The following SCN1A variants were observed in gnomAD, a reference collection of about 807,000 sequenced individuals.
SCN1A encodes the protein sodium voltage-gated channel alpha subunit 1.
In SCN1A, 13 loss-of-function variants were observed where a neutral mutation model predicts 193.7. The ratio of observed to expected loss-of-function variants is 0.07; its 90% CI spans 0.04 to 0.11. The LOEUF is 0.11. Among genes scored for constraint, SCN1A ranks in the 10% least tolerant of loss-of-function variants. The probability of loss-of-function intolerance (pLI) is 1.00; values close to 1 mark genes in which losing one functional copy is unlikely to be tolerated. For synonymous variants in SCN1A, 781 were observed against 843.6 expected, an observed-to-expected ratio of 0.93 and a Z score of 1.29; for missense variants, 1,432 against 2,451.1, an observed-to-expected ratio of 0.58 and a Z score of 8.78.
chr2:166,041,392 G>A lies in SCN1A; in HGVS notation c.2254C>T (p.Pro752Ser). 1.2e-6 allele frequency: 2 copies of A among 1,612,784 alleles called. No homozygotes were observed. Among genetic ancestry groups the A allele is most frequent in the Non-Finnish European group, 8.5e-7 (1 of 1,179,772 alleles). Residue 752 changes from proline to serine, a missense_variant, in exon 16 of 29, where the codon CCA (proline) becomes TCA (serine). This residue lies in a region of SCN1A where 316 missense variants were observed against 362.1 expected (regional missense o/e 0.87). Coordinates refer to ENST00000674923, the MANE Select transcript of SCN1A (RefSeq NM_001165963.4). ...SNIFLIWDCSPYWLKVKHVVN... is the reference protein window; with the variant it reads ...SNIFLIWDCSSYWLKVKHVVN... ...ACATGTTTCACTTTTAACCAATATG[G>A]AGAACAGTCCCAGATTAAGAATATG...
intron 2 of SCN1A, among the ~76,000 whole-genome samples, chr2:166,112,602 C>G (rs754739110): frequency 1.3e-5 from 2 of 152,064 alleles, no homozygotes; most frequent in Non-Finnish European, 2.9e-5. Flanking sequence ...CTCCTATAAC[C>G]CTTGTTATTT....
At chr2:166,054,525 G>T in intron 7 of SCN1A, 113 bp downstream of exon 7, 1 of 1,126,534 alleles carries the variant, frequency 8.9e-7, no homozygotes, top group Non-Finnish European at 1.3e-6. Flanking sequence ...GAGTTTGAAT[G>T]TATAAATCAC....
chr2:166,102,884 G>A (rs775579069), intron 2 of SCN1A, among the ~76,000 whole-genome samples: 7 of 152,096 alleles, frequency 4.6e-5, no homozygotes, highest in African/African-American at 1.4e-4. Flanking sequence ...AAGAACAAAA[G>A]CATGTCCTTT....
intron 24 of SCN1A, among the ~76,000 whole-genome samples, chr2:166,001,890 T>C (rs1408231499): frequency 7.0e-6 from 1 of 142,644 alleles, no homozygotes; most frequent in East Asian, 2.0e-4. Flanking sequence ...TTTTTTTTTT[T>C]TTTTTTTTTT....
At chr2:166,002,858 A>G (rs527893814) in intron 23 of SCN1A, 105 bp from the exon 24 acceptor site, 103 of 926,216 alleles carry the variant, frequency 1.1e-4, no homozygotes, top group Non-Finnish European at 1.5e-4. Context: ...TTTTCTATCA[A>G]TGCTATTTAT....
upstream of SCN1A, among the ~76,000 whole-genome samples, chr2:166,130,857 AAT>A (rs1194379451): frequency 3.3e-5 from 5 of 152,194 alleles, no homozygotes; most frequent in Admixed American, 6.5e-5. Flanking sequence ...ATAAAGGCAA[AAT>A]ATGAGATTTT....
intron 1 of SCN1A, among the ~76,000 whole-genome samples, chr2:166,144,613 C>T (rs939698861): frequency 6.6e-6 from 1 of 152,104 alleles, no homozygotes; most frequent in African/African-American, 2.4e-5. Context: ...CACTGGTAAT[C>T]TCTCTGAAGG....
At chr2:166,142,774 G>A (rs10201267) in intron 1 of SCN1A, among the ~76,000 whole-genome samples, 122,957 of 152,226 alleles carry the variant, frequency 0.81, 50,267 homozygotes, top group African/African-American at 0.94. Flanking sequence ...ATCCCCATGT[G>A]TCAAGGGTGA....
At chr2:166,047,890 G>A in intron 10 of SCN1A, 122 bp from the exon 11 acceptor site, 7 of 1,322,490 alleles carry the variant, frequency 5.3e-6, no homozygotes, top group Non-Finnish European at 5.4e-6. Context: ...TGACAAATAA[G>A]TAACTAATCT....
intron 14 of SCN1A, among the ~76,000 whole-genome samples, chr2:166,043,344 C>T (rs559884058): frequency 5.9e-5 from 9 of 152,312 alleles, no homozygotes; most frequent in Admixed American, 5.2e-4. Context: ...TAGAATCATT[C>T]ATTTACTTTC....
rs191216220 is a variant in SCN1A, at chr2:165,987,803, T to A, written c.*3442A>T. 5.0e-4 allele frequency: 76 copies of A among 152,296 alleles called. No individual in the cohort carries two copies. Among genetic ancestry groups the A allele is most frequent in the Admixed American group, 1.9e-3 (29 of 15,298 alleles). The allele number at this position is 152,296 out of a possible 1,614,324, so 9.4% of individuals were successfully genotyped here. ...GATTTATATGATTATGTTTTACCAG[T>A]TCTTCTCTTTGTATTTGGAAAGGTA... On this transcript the variant is annotated 3_prime_UTR_variant, in exon 29 of 29. Transcript: ENST00000674923.
intron 2 of SCN1A, among the ~76,000 whole-genome samples, chr2:166,096,733 T>G (rs910417677): frequency 3.3e-5 from 5 of 152,244 alleles, no homozygotes; most frequent in Admixed American, 6.5e-5. Context: ...ACAATTTCTT[T>G]TCACAAGGTC....
chr2:166,072,742 A>C lies in SCN1A; in HGVS notation c.264+616T>G, dbSNP rs191249847. On this transcript the variant is annotated intron_variant, in intron 4 of 28. Transcript: ENST00000674923. ...TACAAAAAAATTGTATAGTAAATCGAATCTGTGGAGAGAATCTGTCAATTT... is the reference window on the plus strand; with the variant it reads ...TACAAAAAAATTGTATAGTAAATCGCATCTGTGGAGAGAATCTGTCAATTT... Among the ~76,000 whole-genome samples, 27 of 151,618 alleles carry C rather than the reference A, an allele frequency of 1.8e-4. 1 individual carries two copies. Among genetic ancestry groups the C allele is most frequent in the Non-Finnish European group, 2.8e-4 (19 of 67,956 alleles).
Position 166,073,525 on chromosome 2 carries a change from T to C in SCN1A, c.97A>G (p.Lys33Glu), listed in dbSNP as rs375913842. 9 of 1,614,078 alleles carry C rather than the reference T, an allele frequency of 5.6e-6. No individual in the cohort carries two copies. The highest frequency in any genetic ancestry group is 7.6e-6 in the Non-Finnish European group (9 of 1,180,030). Reference sequence around the variant, plus strand: ...TTGTCTGGTTTGGGATTCTTTGCCTTTTCTTCTGCAATGCGTCTTTCAATA... The same window carrying C: ...TTGTCTGGTTTGGGATTCTTTGCCTCTTCTTCTGCAATGCGTCTTTCAATA... ...AAIERRIAEE[K>E]AKNPKPDKKD... Residue 33 changes from lysine (K) to glutamate (E), a missense_variant, in exon 4 of 29, where the codon AAG (lysine) becomes GAG (glutamate). Physicochemically the swap from Lys to Glu is moderately conservative, Grantham distance 56. This residue lies in a region of SCN1A where 55 missense variants were observed against 58.4 expected (regional missense o/e 0.94). Transcript: ENST00000674923.
In SCN1A at chr2:166,037,788, A is replaced by G. The variant is rs1696600755; in HGVS notation, c.2934T>C (p.Ile978=). 1 of 1,614,190 alleles carries G rather than the reference A, an allele frequency of 6.2e-7. No homozygotes were observed. Among genetic ancestry groups the G allele is most frequent in the Admixed American group, 1.7e-5 (1 of 60,026 alleles). ...CLTVFMMVMV[I]GNLVVLNLFL... ...AGTGGGTACATACCACTAGGTTTCCAATCACCATGACCATCATGAAGACAG... is the reference window on the plus strand; with the variant it reads ...AGTGGGTACATACCACTAGGTTTCCGATCACCATGACCATCATGAAGACAG... Residue 978 remains isoleucine (I), a synonymous_variant, in exon 18 of 29, where the codon ATT becomes ATC. Coordinates refer to ENST00000674923, the MANE Select transcript of SCN1A (RefSeq NM_001165963.4).
chr2:166,115,420 C>A (rs1394363261), intron 2 of SCN1A, among the ~76,000 whole-genome samples: 1 of 152,034 alleles, frequency 6.6e-6, no homozygotes, highest in Non-Finnish European at 1.5e-5. Context: ...AATCAAATTT[C>A]TCAGACACTG....
At chr2:166,053,201 G>A in intron 7 of SCN1A, 1 of 675,758 alleles carries the variant, frequency 1.5e-6, no homozygotes, top group Non-Finnish European at 2.6e-6. Flanking sequence ...CTTTTATAAA[G>A]ACCTTCTTGG....
intron 2 of SCN1A, among the ~76,000 whole-genome samples, chr2:166,092,386 GA>G (rs1686901449): frequency 6.6e-6 from 1 of 152,134 alleles, no homozygotes. Flanking sequence ...AATGGTCTAG[GA>G]AAAGCATCCA....
chr2:166,084,549 G>A (rs1226311783), intron 2 of SCN1A, among the ~76,000 whole-genome samples: 1 of 152,180 alleles, frequency 6.6e-6, no homozygotes, highest in African/African-American at 2.4e-5. Flanking sequence ...AATAATGGGA[G>A]AAAAAATCAG....
Sources: gnomAD v4.1 joint callset for allele counts (sites outside exome capture counted in the v4.1 genomes callset) on GRCh38, gnomAD v4.1.1 for gene constraint, gnomAD v4.1.1 regional missense constraint, MANE v1.5 for transcripts, NCBI Gene and HGNC (gene_info 2026-07-23, HGNC 2026-07-21) for gene names.